The following CFAP77 variants were observed in gnomAD, a reference collection of about 807,000 sequenced individuals.
The protein encoded by CFAP77 is cilia and flagella associated protein 77, also known as cilia- and flagella-associated protein 77.
CFAP77 carries 25 observed loss-of-function variants against 31.1 expected under a neutral mutation model. That is an observed-to-expected ratio of 0.80 (90% CI 0.59 to 1.12). The LOEUF (loss-of-function observed/expected upper bound fraction) is 1.12. CFAP77 is among the 50% of genes most tolerant of loss of function. CFAP77 has a pLI of 0.00. For synonymous variants in CFAP77, 151 were observed against 159.9 expected (o/e 0.94, Z 0.42); for missense variants, 377 against 397.3 (o/e 0.95, Z 0.44).
At chr9:132,457,680 C>G (rs1354000624) in intron 1 of CFAP77, among the ~76,000 whole-genome samples, 1 of 152,216 alleles carries the variant, frequency 6.6e-6, no homozygotes, top group African/African-American at 2.4e-5. Context: ...CGCGTGCCAT[C>G]GGGGCAGGGC....
At chr9:132,544,676 T>G (rs1015898523) in intron 5 of CFAP77, among the ~76,000 whole-genome samples, 19 of 152,076 alleles carry the variant, frequency 1.2e-4, no homozygotes, top group Admixed American at 1.2e-3. Flanking sequence ...TGTGTTTTTT[T>G]GCAGGGATGA....
intron 3 of CFAP77, among the ~76,000 whole-genome samples, chr9:132,505,125 A>C (rs1334215282): frequency 6.6e-6 from 1 of 152,214 alleles, no homozygotes; most frequent in African/African-American, 2.4e-5. Flanking sequence ...CGCTCCCTCT[A>C]AGCTAGGATG....
rs563861281 is a variant in CFAP77 at position 132,499,047 on chromosome 9, C to T, written c.295+253C>T. Among the ~76,000 whole-genome samples the T allele has an allele frequency of 2.9e-4, 44 of 152,276 alleles. No homozygotes were observed. The highest frequency in any genetic ancestry group is 1.5e-3 in the Admixed American group (23 of 15,308). On this transcript the variant is annotated intron_variant, in intron 2 of 5. Transcript: ENST00000393216. This position sits in a 1 kb window ranked among gnomAD's most constrained non-coding sequence, Gnocchi z 5.4. ...CCGCACCGCCCCCCTTCCCCGCCGC[C>T]GGCAGGGACTGTGTGCACTATGCTG... is the stretch of plus-strand genomic sequence containing the variant.
At chr9:132,433,970 GT>G (rs1490731585) in intron 1 of CFAP77, among the ~76,000 whole-genome samples, 7 of 106,552 alleles carry the variant, frequency 6.6e-5, no homozygotes, top group African/African-American at 2.2e-4. Context: ...GACCCCATGT[GT>G]AAAAAAAAAA....
intron 4 of CFAP77, among the ~76,000 whole-genome samples, chr9:132,541,783 A>G (rs1852646982): frequency 6.6e-6 from 1 of 152,220 alleles, no homozygotes; most frequent in South Asian, 2.1e-4. Context: ...AGTAAAATTA[A>G]TACAATAAAA....
chr9:132,557,580 T>A (rs1434622560), intron 5 of CFAP77, among the ~76,000 whole-genome samples: 2 of 152,056 alleles, frequency 1.3e-5, no homozygotes, highest in Non-Finnish European at 2.9e-5. Context: ...CTTCCTCCTT[T>A]TGCTCTACAC....
At chr9:132,457,632 C>A (rs1006931867) in intron 1 of CFAP77, among the ~76,000 whole-genome samples, 2 of 152,186 alleles carry the variant, frequency 1.3e-5, no homozygotes, top group African/African-American at 2.4e-5. Context: ...TGGAATCTGG[C>A]GACAGGTTAC....
At position 132,410,366 on chromosome 9, in the gene CFAP77, C is replaced by CGCG. The variant is rs1365473466; in HGVS notation, c.101_103dup (p.Arg34dup). On this transcript the variant is annotated inframe_insertion, in exon 1 of 6. Transcript: ENST00000393216. ...ACGGTCAGCCAGGTCTGCCCGCCCC[C>CGCG]GCGGCGGCCCCTGACCGTGGCGGAC... The CGCG allele has an allele frequency of 1.9e-6, 3 of 1,599,002 alleles. No individual in the cohort carries two copies. The East Asian group carries it at 6.9e-5, about 37-fold the overall frequency.
intron 1 of CFAP77, among the ~76,000 whole-genome samples, chr9:132,410,812 CAGAT>C (rs750307603): frequency 6.6e-6 from 1 of 152,222 alleles, no homozygotes; most frequent in Non-Finnish European, 1.5e-5. Context: ...CACAGGGTGA[CAGAT>C]AGGTCGCACA....
chr9:132,468,296 A>C (rs1010622720), intron 1 of CFAP77, among the ~76,000 whole-genome samples: 5 of 152,106 alleles, frequency 3.3e-5, no homozygotes, highest in African/African-American at 1.2e-4. Flanking sequence ...CAGCGAGCCG[A>C]GGTTGCGCCA....
At chr9:132,477,343 A>G (rs1176562752) in intron 1 of CFAP77, among the ~76,000 whole-genome samples, 1 of 152,082 alleles carries the variant, frequency 6.6e-6, no homozygotes, top group Non-Finnish European at 1.5e-5. Context: ...CGTGCCAAGA[A>G]CTACAGGCCC....
At chr9:132,556,850 C>T (rs956148196) in intron 5 of CFAP77, among the ~76,000 whole-genome samples, 1 of 152,204 alleles carries the variant, frequency 6.6e-6, no homozygotes, top group African/African-American at 2.4e-5. Context: ...CAGCCAGCCC[C>T]CAGGCCCCTT....
chr9:132,436,336 G>A (rs372515943), intron 1 of CFAP77, among the ~76,000 whole-genome samples: 4 of 152,176 alleles, frequency 2.6e-5, no homozygotes, highest in South Asian at 2.1e-4. Flanking sequence ...TCTCTCTTAC[G>A]AGGGCACTTT....
chr9:132,568,790 C>T (rs1781827761), intron 5 of CFAP77, among the ~76,000 whole-genome samples: 1 of 152,026 alleles, frequency 6.6e-6, no homozygotes, highest in South Asian at 2.1e-4. Context: ...GCCTCAACCT[C>T]CCAGGCTCAA....
intron 1 of CFAP77, among the ~76,000 whole-genome samples, chr9:132,477,579 G>T (rs899909844): frequency 6.6e-6 from 1 of 152,212 alleles, no homozygotes. Context: ...CTTGGGCAAG[G>T]CATTGGGCAC....
intron 1 of CFAP77, among the ~76,000 whole-genome samples, chr9:132,484,475 G>A (rs1159594076): frequency 6.6e-6 from 1 of 152,160 alleles, no homozygotes; most frequent in Non-Finnish European, 1.5e-5. Flanking sequence ...CATTTTAAAT[G>A]GGTTCATACA....
chr9:132,568,692 T>C (rs1348037335), intron 5 of CFAP77, among the ~76,000 whole-genome samples: 2 of 152,010 alleles, frequency 1.3e-5, no homozygotes, highest in Non-Finnish European at 2.9e-5. Context: ...CAACTGGGCA[T>C]GAGGAAGCTT....
chr9:132,493,852 C>A lies in CFAP77; in HGVS notation c.196-4843C>A, dbSNP rs565290660. ...TTTCTTTTTTTCTTTCCTTTCTTTT[C>A]TTTTCTTTTCTCTTTTCTTTTCTTT... is the stretch of plus-strand genomic sequence containing the variant. On this transcript the variant is annotated intron_variant, in intron 1 of 5. Coordinates refer to ENST00000393216, the MANE Select transcript of CFAP77 (RefSeq NM_001282957.2). Among the ~76,000 whole-genome samples the A allele has an allele frequency of 7.3e-5, 11 of 151,322 alleles. No homozygotes were observed. The East Asian group carries it at 2.1e-3, about 29-fold the overall frequency.
At chr9:132,487,647 T>G (rs565351956) in intron 1 of CFAP77, among the ~76,000 whole-genome samples, 169 of 151,690 alleles carry the variant, frequency 1.1e-3, no homozygotes, top group African/African-American at 3.9e-3. Flanking sequence ...GCTGTGGTTT[T>G]TTTTTTTTTT....
Sources: allele counts gnomAD v4.1 joint callset (sites outside exome capture counted in the v4.1 genomes callset), GRCh38; gene constraint gnomAD v4.1.1; non-coding constraint Gnocchi (gnomAD v3.1); transcripts MANE v1.5; gene names NCBI Gene and HGNC (gene_info 2026-07-23, HGNC 2026-07-21).